The following NTN4 variants were observed in gnomAD, a reference collection of about 807,000 sequenced individuals.
NTN4 encodes the protein netrin-4.
NTN4 carries 32 observed loss-of-function variants against 73.6 expected under a neutral mutation model. That is an observed-to-expected ratio of 0.44 (90% CI 0.33 to 0.58). The LOEUF (loss-of-function observed/expected upper bound fraction) is 0.58. Ranked by LOEUF, NTN4 falls within the 20% of genes least tolerant of loss-of-function variation. The probability of loss-of-function intolerance (pLI) is 0.04; values close to 1 mark genes in which losing one functional copy is unlikely to be tolerated. For synonymous variants in NTN4, 258 were observed against 287.5 expected, an observed-to-expected ratio of 0.90 and a Z score of 1.04; for missense variants, 654 against 798.3, an observed-to-expected ratio of 0.82 and a Z score of 2.18.
intron 3 of NTN4, among the ~76,000 whole-genome samples, chr12:95,724,799 A>G (rs1446026635): frequency 6.6e-6 from 1 of 152,124 alleles, no homozygotes; most frequent in African/African-American, 2.4e-5. Context: ...AGTTACTAAG[A>G]CAGTAGCTAC....
At chr12:95,680,142 A>C (rs2078304915) in intron 7 of NTN4, among the ~76,000 whole-genome samples, 1 of 152,130 alleles carries the variant, frequency 6.6e-6, no homozygotes, top group Non-Finnish European at 1.5e-5. Context: ...TAAATACTTT[A>C]TTTGTTTATT....
At chr12:95,740,619 C>T (rs534900835) in intron 2 of NTN4, among the ~76,000 whole-genome samples, 3 of 152,214 alleles carry the variant, frequency 2.0e-5, no homozygotes, top group African/African-American at 7.2e-5. Flanking sequence ...ATATTATGCT[C>T]ATTACAGAAA....
At position 95,682,057 on chromosome 12, in the gene NTN4, C is replaced by CTTTTTTTTTTTTTTTTTTTTTTT. The variant is rs557973212; in HGVS notation, c.1510+627_1510+649dup. On this transcript the variant is annotated intron_variant, in intron 7 of 9. Coordinates refer to ENST00000343702, the MANE Select transcript of NTN4 (RefSeq NM_021229.4). ...TTCCAAACCTAATATATTCAGTAGG[C>CTTTTTTTTTTTTTTTTTTTTTTT]TTTTTTTTTTTTTTTTTTTTTTTGA... Among the ~76,000 whole-genome samples, 10 of 64,546 alleles carry CTTTTTTTTTTTTTTTTTTTTTTT rather than the reference C, an allele frequency of 1.5e-4. 3 individuals carry two copies. The highest frequency in any genetic ancestry group is 2.3e-4 in the Non-Finnish European group (9 of 38,704). 42.3% of individuals were successfully genotyped at this position (64,546 alleles called of 152,430 possible). A position where few individuals can be genotyped will look rare whatever the true frequency, so the allele number is the denominator to read the frequency against.
intron 5 of NTN4, among the ~76,000 whole-genome samples, chr12:95,698,559 TAA>T: frequency 6.6e-6 from 1 of 152,192 alleles, no homozygotes; most frequent in East Asian, 1.9e-4. Context: ...CATCAATTTG[TAA>T]AGTTTTGGCT....
chr12:95,710,439 A>AGG lies in NTN4; in HGVS notation c.1180+1_1180+2insCC. 1 of 1,610,424 alleles carries AGG rather than the reference A, an allele frequency of 6.2e-7. No individual in the cohort carries two copies. The highest frequency in any genetic ancestry group is 8.5e-7 in the Non-Finnish European group (1 of 1,177,786). On this transcript the variant is annotated splice_donor_variant, in intron 5 of 9. Coordinates refer to ENST00000343702, the MANE Select transcript of NTN4 (RefSeq NM_021229.4). LOFTEE classifies it high-confidence loss of function. ...ATTTTCTGGAAACCACAGGTTACTT[A>AGG]CGTTTGCAAGCATCTGGAGCTGAGA... is the stretch of plus-strand genomic sequence containing the variant.
intron 7 of NTN4, among the ~76,000 whole-genome samples, chr12:95,679,389 T>C (rs2078298341): frequency 6.6e-6 from 1 of 152,192 alleles, no homozygotes. Flanking sequence ...TTACAGATAA[T>C]GGCCTCAGCT....
chr12:95,733,188 C>T (rs1339505985), intron 3 of NTN4, among the ~76,000 whole-genome samples: 1 of 152,238 alleles, frequency 6.6e-6, no homozygotes, highest in Non-Finnish European at 1.5e-5. Flanking sequence ...TATTACCATT[C>T]ATCACCCAAC....
chr12:95,665,781 G>A, intron 9 of NTN4, 29 bp downstream of exon 9: 4 of 1,574,848 alleles, frequency 2.5e-6, no homozygotes, highest in Non-Finnish European at 3.5e-6. Context: ...GACAAGGTAG[G>A]TACTAAGATA....
At chr12:95,770,108 A>T (rs2121268291) in intron 2 of NTN4, among the ~76,000 whole-genome samples, 1 of 152,254 alleles carries the variant, frequency 6.6e-6, no homozygotes, top group East Asian at 1.9e-4. Context: ...GTCCACAACG[A>T]CTCAGATATA....
chr12:95,765,645 G>C (rs777143537), intron 2 of NTN4, among the ~76,000 whole-genome samples: 3 of 152,148 alleles, frequency 2.0e-5, no homozygotes, highest in Non-Finnish European at 2.9e-5. Context: ...GAAGGTGCTA[G>C]ACATATAGAG....
intron 8 of NTN4, among the ~76,000 whole-genome samples, chr12:95,667,311 CT>C (rs1386395206): frequency 6.6e-6 from 1 of 151,768 alleles, no homozygotes; most frequent in African/African-American, 2.4e-5. Context: ...CTGCCTCAGC[CT>C]CCCGAGTAGC....
chr12:95,754,277 A>T (rs1337517312), intron 2 of NTN4, among the ~76,000 whole-genome samples: 1 of 151,528 alleles, frequency 6.6e-6, no homozygotes, highest in Non-Finnish European at 1.5e-5. Flanking sequence ...CCCTTACCAC[A>T]AAATCTTCCT....
intron 9 of NTN4, among the ~76,000 whole-genome samples, chr12:95,660,393 C>CAT (rs1163855827): frequency 6.6e-6 from 1 of 152,012 alleles, no homozygotes; most frequent in Non-Finnish European, 1.5e-5. Context: ...GAAAATAACA[C>CAT]ATATTCCCTA....
At chr12:95,778,063 T>G (rs1438920664) in intron 2 of NTN4, among the ~76,000 whole-genome samples, 1 of 152,090 alleles carries the variant, frequency 6.6e-6, no homozygotes, top group East Asian at 1.9e-4. Flanking sequence ...GAATGACTAC[T>G]GGGTACATAA....
At chr12:95,675,249 G>A (rs1347296957) in intron 7 of NTN4, among the ~76,000 whole-genome samples, 2 of 152,104 alleles carry the variant, frequency 1.3e-5, no homozygotes, top group Admixed American at 6.5e-5. Flanking sequence ...AAATTATCAC[G>A]AGATTATGTT....
At chr12:95,673,381 T>C in intron 7 of NTN4, 1 of 246,286 alleles carries the variant, frequency 4.1e-6, no homozygotes, top group South Asian at 5.3e-5. Context: ...TACTAAGAAC[T>C]TGTGGGGGAG....
chr12:95,735,814 T>C (rs889457480), intron 3 of NTN4, among the ~76,000 whole-genome samples: 1 of 152,108 alleles, frequency 6.6e-6, no homozygotes. Context: ...CCTTAGAAAG[T>C]GTTGTTAACT....
chr12:95,687,423 T>G (rs539537368), intron 5 of NTN4, among the ~76,000 whole-genome samples: 1 of 151,788 alleles, frequency 6.6e-6, no homozygotes, highest in African/African-American at 2.4e-5. Context: ...TTTTTTGTGA[T>G]GGAGTCTTGC....
rs1358948149 is a variant in NTN4, at chr12:95,737,996, G to A, written c.734C>T (p.Pro245Leu). ...PCQRNDLNEEPQHFTHYAIYD... is the reference protein window; with the variant it reads ...PCQRNDLNEELQHFTHYAIYD... ...GATTGCATAGTGTGTAAAATGTTGAGGCTCTTCGTTCAGGTCATTTCTCTG... is the reference window on the plus strand; with the variant it reads ...GATTGCATAGTGTGTAAAATGTTGAAGCTCTTCGTTCAGGTCATTTCTCTG... Residue 245 changes from proline to leucine, a missense_variant, in exon 3 of 10, where the codon CCT (proline) becomes CTT (leucine). By Grantham distance (98) the Pro-to-Leu change is moderately conservative. Transcript: ENST00000343702. 6.2e-7 allele frequency: 1 copy of A among 1,613,970 alleles called. No homozygotes were observed. Among genetic ancestry groups the A allele is most frequent in the Non-Finnish European group, 8.5e-7 (1 of 1,180,016 alleles).
Sources: gnomAD v4.1 joint callset for allele counts (sites outside exome capture counted in the v4.1 genomes callset) on GRCh38, gnomAD v4.1.1 for gene constraint, MANE v1.5 for transcripts, NCBI Gene and HGNC (gene_info 2026-07-23, HGNC 2026-07-21) for gene names.